The following MAGI1 variants were observed in gnomAD, a reference collection of about 807,000 sequenced individuals.
MAGI1 encodes the protein membrane-associated guanylate kinase, WW and PDZ domain-containing protein 1.
MAGI1 carries 58 observed loss-of-function variants against 139.9 expected under a neutral mutation model. That is an observed-to-expected ratio of 0.41 (90% confidence interval 0.34 to 0.52). The LOEUF (loss-of-function observed/expected upper bound fraction) is 0.52, where lower values mean the gene tolerates loss of function less well. MAGI1 is among the 20% of genes least tolerant of loss of function. The pLI, the probability that MAGI1 is intolerant of heterozygous loss-of-function variation, is 0.12. For missense variants in MAGI1, 1,874 were observed against 1,901.6 expected (o/e 0.99, Z 0.27); for synonymous variants, 812 against 737.9 (o/e 1.10, Z -1.63).
chr3:65,645,028 A>C (rs908202415), intron 1 of MAGI1, among the ~76,000 whole-genome samples: 2 of 151,352 alleles, frequency 1.3e-5, no homozygotes, highest in Non-Finnish European at 3.0e-5. Context: ...GAAAAAAAAA[A>C]CAGTGAAAAT....
chr3:65,381,289 A>T (rs935641889), intron 16 of MAGI1, among the ~76,000 whole-genome samples: 3 of 152,152 alleles, frequency 2.0e-5, no homozygotes, highest in Non-Finnish European at 2.9e-5. Flanking sequence ...TTTCCAAGGG[A>T]AGAAAGTTAT....
At chr3:65,709,841 C>T (rs1458824567) in intron 1 of MAGI1, among the ~76,000 whole-genome samples, 1 of 152,182 alleles carries the variant, frequency 6.6e-6, no homozygotes. Context: ...ACAGAACTAG[C>T]CTCTACATTA....
chr3:65,817,368 T>TC (rs1467714661), intron 1 of MAGI1, among the ~76,000 whole-genome samples: 1 of 152,190 alleles, frequency 6.6e-6, no homozygotes, highest in Non-Finnish European at 1.5e-5. Flanking sequence ...CCTCCATAGT[T>TC]AAAAATAATT....
intron 2 of MAGI1, among the ~76,000 whole-genome samples, chr3:65,504,657 T>C (rs1003764250): frequency 2.0e-5 from 3 of 152,140 alleles, no homozygotes; most frequent in Admixed American, 6.5e-5. Context: ...CCAGGAAACA[T>C]AGCAGGGAGC....
chr3:65,604,191 G>GC (rs796150425), intron 2 of MAGI1, among the ~76,000 whole-genome samples: 1 of 148,854 alleles, frequency 6.7e-6, no homozygotes, highest in African/African-American at 2.5e-5. Context: ...ACATCCAAAT[G>GC]CAAAAAAAAA....
At chr3:65,950,960 GAA>G (rs1483630560) in intron 1 of MAGI1, among the ~76,000 whole-genome samples, 1 of 924 alleles carries the variant, frequency 1.1e-3, no homozygotes, top group Non-Finnish European at 2.1e-3. Context: ...AGAAGAAAGA[GAA>G]GGAAGGAAGG....
intron 2 of MAGI1, among the ~76,000 whole-genome samples, chr3:65,536,149 G>T (rs17073075): frequency 0.24 from 36,294 of 152,012 alleles, 4,592 homozygotes; most frequent in Middle Eastern, 0.31. Flanking sequence ...CTGTTGATTT[G>T]GTGTCTGTTA....
At chr3:65,804,479 T>C (rs2040716695) in intron 1 of MAGI1, among the ~76,000 whole-genome samples, 1 of 151,842 alleles carries the variant, frequency 6.6e-6, no homozygotes, top group African/African-American at 2.4e-5. Flanking sequence ...CTGATATAAA[T>C]TATATTGATA....
chr3:65,946,385 T>G (rs952292885), intron 1 of MAGI1, among the ~76,000 whole-genome samples: 1 of 152,224 alleles, frequency 6.6e-6, no homozygotes, highest in African/African-American at 2.4e-5. Flanking sequence ...TTTTCTGCAT[T>G]TCATCATTTA....
chr3:65,607,950 T>TA (rs931598316), intron 2 of MAGI1, among the ~76,000 whole-genome samples: 5 of 152,168 alleles, frequency 3.3e-5, no homozygotes, highest in Admixed American at 2.0e-4. Flanking sequence ...AGAATAGGTT[T>TA]AAAAAAATGT....
rs971531783 is a variant in MAGI1 at position 65,532,432 on chromosome 3, C to T, written c.431-38801G>A. On this transcript the variant is annotated intron_variant, in intron 2 of 22. Coordinates refer to ENST00000402939, the MANE Select transcript of MAGI1 (RefSeq NM_001033057.2). The stretch of plus-strand genomic sequence containing the variant: ...TCAATTTGTCAGGGCCACATGATGC[C>T]CTGGAATACAGACTACATATGTGGC... 3.3e-5 allele frequency among the ~76,000 whole-genome samples: 5 copies of T among 152,260 alleles called. No individual in the cohort carries two copies. The East Asian group carries it at 9.7e-4, about 29-fold the overall frequency.
At chr3:65,477,711 A>ATTATTATTTTTTTTT (rs376492339) in intron 4 of MAGI1, among the ~76,000 whole-genome samples, 2 of 141,612 alleles carry the variant, frequency 1.4e-5, no homozygotes, top group African/African-American at 5.2e-5. Flanking sequence ...TATTATTATT[A>ATTATTATTTTTTTTT]TTTTTTTTTT....
At chr3:66,037,478 G>C (rs1274899063) in intron 1 of MAGI1, among the ~76,000 whole-genome samples, 1 of 152,122 alleles carries the variant, frequency 6.6e-6, no homozygotes, top group African/African-American at 2.4e-5. Context: ...GCGGGCTCAG[G>C]AACCGCCAGG....
At chr3:65,375,351 G>A (rs1942410139) in intron 18 of MAGI1, among the ~76,000 whole-genome samples, 1 of 152,222 alleles carries the variant, frequency 6.6e-6, no homozygotes, top group Non-Finnish European at 1.5e-5. Context: ...ACCGCGCCCG[G>A]CTAATTTTTG....
intron 1 of MAGI1, among the ~76,000 whole-genome samples, chr3:66,031,618 A>G (rs549404641): frequency 8.5e-5 from 13 of 152,280 alleles, no homozygotes; most frequent in Middle Eastern, 3.4e-3. Context: ...AGTGTAACCT[A>G]AAAATATCCT....
At chr3:65,765,111 A>G (rs1364699071) in intron 1 of MAGI1, among the ~76,000 whole-genome samples, 1 of 152,210 alleles carries the variant, frequency 6.6e-6, no homozygotes, top group Non-Finnish European at 1.5e-5. Flanking sequence ...AATGGATGGC[A>G]CCTAACATGG....
chr3:65,998,828 T>C (rs2066593313), intron 1 of MAGI1, among the ~76,000 whole-genome samples: 1 of 152,040 alleles, frequency 6.6e-6, no homozygotes, highest in Non-Finnish European at 1.5e-5. Context: ...AAAATGAGGC[T>C]ATGAACTTTT....
chr3:65,597,792 G>T (rs1237634638), intron 2 of MAGI1: 3 of 456,686 alleles, frequency 6.6e-6, no homozygotes, highest in Non-Finnish European at 1.3e-5. Context: ...GGCGAGAGGA[G>T]ATCATGGACC....
intron 2 of MAGI1, among the ~76,000 whole-genome samples, chr3:65,545,326 T>C (rs1002798672): frequency 6.6e-6 from 1 of 152,176 alleles, no homozygotes; most frequent in Non-Finnish European, 1.5e-5. Flanking sequence ...AGAGATGGCA[T>C]ACCAGTAACA....
Sources: gnomAD v4.1 joint callset for allele counts (sites outside exome capture counted in the v4.1 genomes callset) on GRCh38, gnomAD v4.1.1 for gene constraint, MANE v1.5 for transcripts, NCBI Gene and HGNC (gene_info 2026-07-23, HGNC 2026-07-21) for gene names.